The following CCDC66 variants were observed in gnomAD, a reference collection of about 807,000 sequenced individuals.
The protein encoded by CCDC66 is coiled-coil domain-containing protein 66.
CCDC66 carries 133 observed loss-of-function variants against 128.3 expected under a neutral mutation model. The ratio of observed to expected loss-of-function variants is 1.04; its 90% CI spans 0.90 to 1.20. The LOEUF (loss-of-function observed/expected upper bound fraction) is 1.20. Ranked by LOEUF, CCDC66 falls within the 50% of genes most tolerant of loss-of-function variation. The pLI is 0.00. For missense variants in CCDC66, 1,126 were observed against 1,075.5 expected (o/e 1.05, Z -0.66); for synonymous variants, 387 against 357.0 (o/e 1.08, Z -0.95).
chr3:56,593,809 T>G, intron 9 of CCDC66, 68 bp downstream of exon 9: 3 of 1,588,224 alleles, frequency 1.9e-6, no homozygotes, highest in East Asian at 2.2e-5. Context: ...ACTGTTGTTA[T>G]GTCTAATTGG....
chr3:56,557,373 C>T, intron 1 of CCDC66, 120 bp downstream of exon 1: 1 of 1,343,672 alleles, frequency 7.4e-7, no homozygotes, highest in Middle Eastern at 1.9e-4. Context: ...CAACCTGCGC[C>T]GCCGAGAGGG....
At chr3:56,596,337 T>G (rs769575408) in intron 10 of CCDC66, among the ~76,000 whole-genome samples, 8 of 152,218 alleles carry the variant, frequency 5.3e-5, no homozygotes, top group Non-Finnish European at 8.8e-5. Context: ...TGTTTGCCAT[T>G]TATATGTCTT....
chr3:56,558,705 A>G, intron 1 of CCDC66, 141 bp from the exon 2 acceptor site: 4 of 701,390 alleles, frequency 5.7e-6, no homozygotes, highest in Non-Finnish European at 1.0e-5. Flanking sequence ...GTTTTTAATT[A>G]AAACACTGGT....
At position 56,582,941 on chromosome 3, in the gene CCDC66, A is replaced by G. The variant is rs1274172489; in HGVS notation, c.937-10029A>G. ...ACCCAGGCTAGAATGCACTGGCACA[A>G]TCACGGCTAACTGCAGCCTTGACCT... On this transcript the variant is annotated intron_variant, in intron 7 of 17. Transcript: ENST00000394672. Among the ~76,000 whole-genome samples the G allele has an allele frequency of 2.7e-5, 4 of 150,414 alleles. No individual in the cohort carries two copies. The South Asian group carries it at 6.3e-4, about 24-fold the overall frequency.
intron 7 of CCDC66, chr3:56,572,983 T>C (rs1265263966): frequency 6.6e-6 from 1 of 152,214 alleles, no homozygotes; most frequent in Non-Finnish European, 1.5e-5. Flanking sequence ...GCAGACACCG[T>C]TAAAAGTTGT....
intron 7 of CCDC66, among the ~76,000 whole-genome samples, chr3:56,571,826 C>A (rs553314218): frequency 1.3e-5 from 2 of 152,220 alleles, no homozygotes; most frequent in Admixed American, 6.5e-5. Context: ...TGAAGGGATC[C>A]TCCTGCCTCT....
chr3:56,596,343 GTCT>G (rs1406843868), intron 10 of CCDC66, among the ~76,000 whole-genome samples: 1 of 152,122 alleles, frequency 6.6e-6, no homozygotes, highest in Admixed American at 6.5e-5. Context: ...CCATTTATAT[GTCT>G]TCTTTAGAAA....
intron 4 of CCDC66, among the ~76,000 whole-genome samples, chr3:56,565,648 G>T (rs1162983331): frequency 6.8e-6 from 1 of 147,770 alleles, no homozygotes; most frequent in East Asian, 2.0e-4. Flanking sequence ...ATGGAGTCTC[G>T]CTCCGTTGCC....
intron 10 of CCDC66, among the ~76,000 whole-genome samples, chr3:56,597,999 C>A (rs1389349211): frequency 6.6e-6 from 1 of 151,780 alleles, no homozygotes; most frequent in African/African-American, 2.4e-5. Flanking sequence ...TGGTCTCGAA[C>A]TCCTGACCTC....
intron 3 of CCDC66, 139 bp downstream of exon 3, chr3:56,559,733 C>T (rs1258152735): frequency 1.6e-6 from 1 of 616,328 alleles, no homozygotes; most frequent in Non-Finnish European, 2.6e-6. Flanking sequence ...TATTTTCTTG[C>T]TTTCAGATTG....
chr3:56,617,045 G>A (rs1009348166), intron 13 of CCDC66, 67 bp from the exon 14 acceptor site: 1 of 1,247,576 alleles, frequency 8.0e-7, no homozygotes, highest in African/African-American at 1.5e-5. Flanking sequence ...TAATGTTTTG[G>A]GGAAAATTAT....
In CCDC66 at chr3:56,619,508, T is replaced by G; in HGVS notation, c.2616T>G (p.Pro872=). 6.2e-7 allele frequency: 1 copy of G among 1,609,220 alleles called. No individual in the cohort carries two copies. The highest frequency in any genetic ancestry group is 8.5e-7 in the Non-Finnish European group (1 of 1,178,420). Residue 872 remains proline, a synonymous_variant, in exon 16 of 18, where the codon CCT becomes CCG. Coordinates refer to ENST00000394672, the MANE Select transcript of CCDC66 (RefSeq NM_001141947.3). ...TGTCTGGGCCTTCAACCCAGGACCC[T>G]CAGTACCAAAATTCACAAGGTAAGT... ...APLSGPSTQD[P]QYQNSQDCGQ...
chr3:56,615,005 T>C (rs62256023), intron 11 of CCDC66, 123 bp from the exon 12 acceptor site: 43,883 of 884,920 alleles, frequency 0.05, 1,262 homozygotes, highest in East Asian at 0.092. Context: ...TTGACTGTTG[T>C]ACCCTTAGTG....
intron 11 of CCDC66, 40 bp downstream of exon 11, chr3:56,613,790 T>C: frequency 6.4e-7 from 1 of 1,557,736 alleles, no homozygotes; most frequent in Non-Finnish European, 8.8e-7. Flanking sequence ...GGTTTTTGTT[T>C]GTGTTTTTGA....
At chr3:56,615,391 T>C in intron 12 of CCDC66, 119 bp downstream of exon 12, 1 of 956,800 alleles carries the variant, frequency 1.0e-6, no homozygotes, top group Non-Finnish European at 1.5e-6. Context: ...AGTGCAGTGG[T>C]GCCATCACAG....
intron 7 of CCDC66, among the ~76,000 whole-genome samples, chr3:56,580,612 C>G (rs1384898141): frequency 6.6e-6 from 1 of 151,700 alleles, no homozygotes; most frequent in Non-Finnish European, 1.5e-5. Flanking sequence ...CTGGTGGTGA[C>G]AAAATCTCTC....
chr3:56,582,881 T>TATTATTATTATG (rs2068682150), intron 7 of CCDC66, among the ~76,000 whole-genome samples: 1 of 147,040 alleles, frequency 6.8e-6, no homozygotes, highest in East Asian at 2.0e-4. Flanking sequence ...TTATTATTAT[T>TATTATTATTATG]ATTATTATTA....
intron 10 of CCDC66, among the ~76,000 whole-genome samples, chr3:56,612,659 A>T (rs1375535143): frequency 6.6e-6 from 1 of 152,144 alleles, no homozygotes; most frequent in East Asian, 1.9e-4. Flanking sequence ...GGTGGCTATA[A>T]TGGGCTGCGT....
intron 10 of CCDC66, among the ~76,000 whole-genome samples, chr3:56,602,974 A>C (rs1185974505): frequency 6.6e-6 from 1 of 150,896 alleles, no homozygotes; most frequent in South Asian, 2.1e-4. Context: ...AGCTGGGACT[A>C]CAGGCGCCCA....
Sources: gnomAD v4.1 joint callset for allele counts (sites outside exome capture counted in the v4.1 genomes callset) on GRCh38, gnomAD v4.1.1 for gene constraint, MANE v1.5 for transcripts, NCBI Gene and HGNC (gene_info 2026-07-23, HGNC 2026-07-21) for gene names.